Variants in TMEM94 observed in about 807,000 individuals in gnomAD.
TMEM94 encodes ER Mg2+ ATPase.
In TMEM94, 81 loss-of-function variants were observed where a neutral mutation model predicts 158.6. The ratio of observed to expected loss-of-function variants is 0.51; its 90% CI spans 0.43 to 0.61. The LOEUF (loss-of-function observed/expected upper bound fraction) is 0.61. TMEM94 is among the 20% of genes least tolerant of loss of function. The pLI is 0.00. For missense variants in TMEM94, 1,435 were observed against 1,762.0 expected, an observed-to-expected ratio of 0.81 and a Z score of 3.32; for synonymous variants, 751 against 730.7, an observed-to-expected ratio of 1.03 and a Z score of -0.45.
chr17:75,469,909 G>C (rs952049199), intron 1 of TMEM94, among the ~76,000 whole-genome samples: 72 of 151,972 alleles, frequency 4.7e-4, no homozygotes, highest in African/African-American at 1.6e-3. Context: ...CCCGTCTCTA[G>C]TAAAAATACA....
rs762803175 is a variant in TMEM94 at position 75,494,772 on chromosome 17, T to C, written c.2553T>C (p.Phe851=). The C allele has an allele frequency of 6.2e-6, 10 of 1,613,688 alleles. 1 individual carries two copies. In the South Asian group the frequency reaches 1.1e-4, roughly 18 times the overall value. The change falls in exon 19 of 32, where the codon TTT becomes TTC. Residue 851 remains phenylalanine (F), a synonymous_variant. Transcript: ENST00000314256. ...GGCTTGTCAACGCCTGCATCCGCTT[T>C]GTCTACTTCTCTTTGGAGGATGAGC... ...IDGLVNACIR[F]VYFSLEDELK...
rs1005050494 is a variant in TMEM94 at position 75,487,507 on chromosome 17, C to T, written c.410-425C>T. The T allele has an allele frequency of 2.5e-5, 4 of 162,906 alleles. No individual in the cohort carries two copies. The South Asian group carries it at 6.4e-4, about 26-fold the overall frequency. The allele number at this position is 162,906 out of a possible 1,614,324, so 10.1% of individuals were successfully genotyped here. A position where few individuals can be genotyped will look rare whatever the true frequency, so the allele number is the denominator to read the frequency against. On this transcript the variant is annotated intron_variant, in intron 5 of 31. Transcript: ENST00000314256. This position sits in a 1 kb window ranked among gnomAD's most constrained non-coding sequence, Gnocchi z 4.6. Reference sequence around the variant, plus strand: ...ATCGGTTTGCTCCCTCTTCTGGACTCCTGCAGCACAGGGATCTTTGTTAAT... The same window carrying T: ...ATCGGTTTGCTCCCTCTTCTGGACTTCTGCAGCACAGGGATCTTTGTTAAT...
intron 26 of TMEM94, 36 bp from the exon 27 acceptor site, chr17:75,497,745 T>C (rs1390985527): frequency 2.6e-6 from 4 of 1,539,478 alleles, no homozygotes; most frequent in Non-Finnish European, 3.6e-6. Context: ...CAGAGGGTCA[T>C]TGTCACCATC....
chr17:75,496,177 G>T (rs536335453), intron 23 of TMEM94, 103 bp downstream of exon 23: 4 of 1,553,280 alleles, frequency 2.6e-6, no homozygotes, highest in Non-Finnish European at 2.7e-6. Context: ...AGCCGACCTC[G>T]CCCTGGCTGG....
intron 1 of TMEM94, among the ~76,000 whole-genome samples, chr17:75,463,071 T>C (rs1291169063): frequency 4.3e-4 from 7 of 16,160 alleles, no homozygotes; most frequent in African/African-American, 3.3e-3. Context: ...TATATATATA[T>C]ATATATATAC....
At chr17:75,460,308 G>A (rs906363406) in intron 1 of TMEM94, among the ~76,000 whole-genome samples, 8 of 152,096 alleles carry the variant, frequency 5.3e-5, no homozygotes, top group African/African-American at 1.9e-4. Flanking sequence ...AGGGCTTCTT[G>A]AAAAAGGGGT....
rs763281404 is a variant in TMEM94, at chr17:75,478,795, T to C, written c.25-6633T>C. Among the ~76,000 whole-genome samples, 3 of 152,296 alleles carry C rather than the reference T, an allele frequency of 2.0e-5. No homozygotes were observed. The South Asian group carries it at 6.2e-4, about 32-fold the overall frequency. ...TTCTGCCTGAAAAGCATCCGTGTAA[T>C]TTGAGAAGTAGGGCCTCCCTTCCCC... On this transcript the variant is annotated intron_variant, in intron 2 of 31. Transcript: ENST00000314256.
At chr17:75,471,670 C>T (rs930159061) in intron 1 of TMEM94, 130 bp from the exon 2 acceptor site, 26 of 437,888 alleles carry the variant, frequency 5.9e-5, no homozygotes, top group East Asian at 1.8e-4. Flanking sequence ...GCCGAGATCG[C>T]GCCACTGCAC....
rs117701147 is a variant in TMEM94, at chr17:75,463,379, C to G, written c.-107+6628C>G. On this transcript the variant is annotated intron_variant, in intron 1 of 31. Transcript: ENST00000314256. ...TGTTTTTAGGGTACTGGCTAAGCAT[C>G]TTCAGTTCATTCTGCCATTTCTCAC... Among the ~76,000 whole-genome samples the G allele has an allele frequency of 1.8e-4, 27 of 151,582 alleles. No homozygotes were observed. In the East Asian group the frequency reaches 3.9e-3, roughly 22 times the overall value.
At chr17:75,474,019 G>A (rs192998125) in intron 2 of TMEM94, among the ~76,000 whole-genome samples, 1 of 152,250 alleles carries the variant, frequency 6.6e-6, no homozygotes, top group African/African-American at 2.4e-5. Context: ...GGAGGCTGAG[G>A]CAGGAGAATC....
chr17:75,466,455 T>G (rs1488383437), intron 1 of TMEM94, among the ~76,000 whole-genome samples: 1 of 152,204 alleles, frequency 6.6e-6, no homozygotes, highest in Non-Finnish European at 1.5e-5. Context: ...GTCCTTTATC[T>G]TTCCATACAA....
chr17:75,476,571 C>A, intron 2 of TMEM94: 1 of 1,479,756 alleles, frequency 6.8e-7, no homozygotes, highest in Non-Finnish European at 8.9e-7. Context: ...TGCTCACACA[C>A]TCTCAGCTGT....
chr17:75,482,457 A>G (rs952148964), intron 2 of TMEM94, among the ~76,000 whole-genome samples: 1 of 152,002 alleles, frequency 6.6e-6, no homozygotes, highest in Non-Finnish European at 1.5e-5. Context: ...GCAGCGAACC[A>G]TGCCCACGCC....
Position 75,491,447 on chromosome 17 carries a change from C to T in TMEM94, c.1378C>T (p.His460Tyr), listed in dbSNP as rs1350518216. ...TDGLSTRSFC[H>Y]PEPHERDALL... ...TGGCCTATCCACCCGCTCCTTCTGC[C>T]ATCCCGAGGTAGAGGAGGAGGTACG... The change falls in exon 13 of 32, where the codon CAT (histidine) becomes TAT (tyrosine). Residue 460 changes from histidine to tyrosine, a missense_variant. His to Tyr is a moderately conservative substitution (Grantham distance 83). Around this residue, in one of 3 missense-constraint regions of TMEM94, gnomAD observed 1,051 missense variants for 1,254.4 expected, o/e 0.84. Coordinates refer to ENST00000314256, the MANE Select transcript of TMEM94 (RefSeq NM_014738.6). The surrounding 1 kb of genome is among the most constrained non-coding windows in gnomAD (Gnocchi z 5.1). 6.2e-7 allele frequency: 1 copy of T among 1,613,992 alleles called. No individual in the cohort carries two copies. The highest frequency in any genetic ancestry group is 1.7e-5 in the Admixed American group (1 of 60,014).
chr17:75,477,400 C>T (rs1025107220), intron 2 of TMEM94, among the ~76,000 whole-genome samples: 5 of 152,052 alleles, frequency 3.3e-5, no homozygotes, highest in Admixed American at 1.3e-4. Flanking sequence ...GCACTGACGA[C>T]GACAGTGGGG....
intron 1 of TMEM94, among the ~76,000 whole-genome samples, chr17:75,470,706 A>G (rs1171808019): frequency 6.8e-6 from 1 of 147,808 alleles, no homozygotes; most frequent in East Asian, 2.0e-4. Flanking sequence ...CTCTGTCTCA[A>G]AAAAAAAAAA....
chr17:75,493,117 C>CA lies in TMEM94; in HGVS notation c.2086+15_2086+16insA, dbSNP rs762793224. The CA allele has an allele frequency of 3.6e-5, 58 of 1,610,492 alleles. No homozygotes were observed. The highest frequency in any genetic ancestry group is 4.9e-5 in the Non-Finnish European group (58 of 1,178,442). On this transcript the variant is annotated intron_variant, in intron 16 of 31. Transcript: ENST00000314256. ...CACCACCACCAGTGAGCCCTGGCTA[C>CA]GTTGGCCAGCACCAGGCGAGACCTT...
intron 1 of TMEM94, among the ~76,000 whole-genome samples, chr17:75,468,747 G>GT (rs2050393834): frequency 6.6e-6 from 1 of 152,212 alleles, no homozygotes; most frequent in East Asian, 1.9e-4. Context: ...AGTGGAGTTG[G>GT]TGGCAGAACC....
In TMEM94 at chr17:75,497,344, C is replaced by CTT. The variant is rs67776731; in HGVS notation, c.3407+172_3407+173dup. The CTT allele has an allele frequency of 1.6e-3, 204 of 130,202 alleles. 1 individual carries two copies. Among genetic ancestry groups the CTT allele is most frequent in the Middle Eastern group, 2.7e-3 (1 of 372 alleles). 8.1% of individuals were successfully genotyped at this position (130,202 alleles called of 1,614,324 possible). On this transcript the variant is annotated intron_variant, in intron 26 of 31. Transcript: ENST00000314256. ...GAGGCATGGAGGGAACCCCCTTTGT[C>CTT]TTTTTTTTTTTTTTTTTTTTTTTTT...
Sources: gnomAD v4.1 joint callset for allele counts (sites outside exome capture counted in the v4.1 genomes callset) on GRCh38, gnomAD v4.1.1 for gene constraint, gnomAD v4.1.1 regional missense constraint, Gnocchi (gnomAD v3.1) non-coding constraint, MANE v1.5 for transcripts, NCBI Gene and HGNC (gene_info 2026-07-23, HGNC 2026-07-21) for gene names.